PLEKHG1: variants seen among roughly 807,000 people sequenced by gnomAD.
PLEKHG1 encodes pleckstrin homology and RhoGEF domain containing G1.
PLEKHG1 carries 44 observed loss-of-function variants against 100.8 expected under a neutral mutation model. The ratio of observed to expected loss-of-function variants is 0.44; its 90% CI spans 0.34 to 0.56. The LOEUF (loss-of-function observed/expected upper bound fraction) is 0.56, where lower values mean the gene tolerates loss of function less well. Ranked by LOEUF, PLEKHG1 falls within the 20% of genes least tolerant of loss-of-function variation. The probability of loss-of-function intolerance (pLI) is 0.01; values close to 1 mark genes in which losing one functional copy is unlikely to be tolerated. For missense variants in PLEKHG1, 1,545 were observed against 1,720.9 expected (o/e 0.90, Z 1.81); for synonymous variants, 640 against 662.5 (o/e 0.97, Z 0.52).
intron 1 of PLEKHG1, among the ~76,000 whole-genome samples, chr6:150,724,558 C>CTTTTTTTTTTTTT (rs34140367): frequency 2.6e-4 from 26 of 100,478 alleles, no homozygotes; most frequent in African/African-American, 9.7e-4. Context: ...TTTTCTTTTT[C>CTTTTTTTTTTTTT]TTTTTTTTTT....
At chr6:150,828,384 A>G (rs1776733451) in intron 14 of PLEKHG1, 1 of 1,606,670 alleles carries the variant, frequency 6.2e-7, no homozygotes, top group East Asian at 2.2e-5. Context: ...AGGGTGACTG[A>G]GGCTACAGCT....
At chr6:150,629,712 G>A (rs1252769425) in intron 1 of PLEKHG1, among the ~76,000 whole-genome samples, 2 of 152,266 alleles carry the variant, frequency 1.3e-5, no homozygotes, top group East Asian at 3.9e-4. Context: ...GCCTGCCTCG[G>A]TCTCCCAAAG....
intron 1 of PLEKHG1, among the ~76,000 whole-genome samples, chr6:150,616,135 G>A: frequency 6.6e-6 from 1 of 152,120 alleles, no homozygotes; most frequent in East Asian, 1.9e-4. Flanking sequence ...AGCTAGGACT[G>A]CAAGTGAGAA....
chr6:150,795,798 A>G, intron 4 of PLEKHG1, 58 bp from the exon 6 acceptor site: 1 of 960,224 alleles, frequency 1.0e-6, no homozygotes, highest in Non-Finnish European at 1.7e-6. Context: ...ATTGTTTTCA[A>G]ATGAATGTTT....
chr6:150,715,105 C>G (rs945946323), intron 3 of PLEKHG1, among the ~76,000 whole-genome samples: 1 of 151,968 alleles, frequency 6.6e-6, no homozygotes, highest in African/African-American at 2.4e-5. Context: ...GGCCTACTGA[C>G]AGGTATTTTT....
rs759635144 is a variant in PLEKHG1, at chr6:150,823,637, A to C, written c.1448-17A>C. ...CATTTTCATTCTCAAACTTGAAAAA[A>C]AACTTTTATTTTTCAGAAACAGCAC... On this transcript the variant is annotated splice_polypyrimidine_tract_variant and intron_variant, in intron 13 of 15. Coordinates refer to ENST00000358517, the Ensembl canonical transcript of PLEKHG1. The C allele has an allele frequency of 6.3e-7, 1 of 1,586,672 alleles. No individual in the cohort carries two copies. The highest frequency in any genetic ancestry group is 2.2e-5 in the East Asian group (1 of 44,750).
chr6:150,722,329 TTCTTTTTTC>T (rs1366249762), intron 1 of PLEKHG1, among the ~76,000 whole-genome samples: 1 of 99,056 alleles, frequency 1.0e-5, no homozygotes, highest in African/African-American at 6.7e-5. Flanking sequence ...CTGCCTCCTT[TTCTTTTTTC>T]TTTTTCTTTT....
chr6:150,648,269 C>T (rs923339881), intron 2 of PLEKHG1, among the ~76,000 whole-genome samples: 1 of 152,082 alleles, frequency 6.6e-6, no homozygotes, highest in Non-Finnish European at 1.5e-5. Flanking sequence ...TCAACCTCGT[C>T]ACCTGCTGAT....
chr6:150,670,616 G>C (rs1779551183), intron 3 of PLEKHG1, among the ~76,000 whole-genome samples: 1 of 152,148 alleles, frequency 6.6e-6, no homozygotes, highest in Admixed American at 6.5e-5. Flanking sequence ...GCAAAACTTT[G>C]GAGTTCCCTA....
Position 150,702,557 on chromosome 6 carries a change from G to GGTGTGTGTGTGTGTGTGT in PLEKHG1, c.-98-31010_-98-30993dup, listed in dbSNP as rs56768740. 5.5e-3 allele frequency among the ~76,000 whole-genome samples: 790 copies of GGTGTGTGTGTGTGTGTGT among 142,890 alleles called. 10 individuals are homozygous for GGTGTGTGTGTGTGTGTGT. The highest frequency in any genetic ancestry group is 0.017 in the African/African-American group (651 of 37,626). 93.7% of individuals were successfully genotyped at this position (142,890 alleles called of 152,430 possible). A position where few individuals can be genotyped will look rare whatever the true frequency, so the allele number is the denominator to read the frequency against. On this transcript the variant is annotated intron_variant, in intron 3 of 3. Coordinates refer to the PLEKHG1 transcript ENST00000367326. Reference sequence around the variant, plus strand: ...AGCAGTACTTCTCATTTTGTTTTGGGGTGTGTGTGTGTGTGTGTGTGTGTG... The same window carrying GGTGTGTGTGTGTGTGTGT: ...AGCAGTACTTCTCATTTTGTTTTGGGGTGTGTGTGTGTGTGTGTGTGTGTGTGTGTGTGTGTGTGTGTG...
intron 1 of PLEKHG1, among the ~76,000 whole-genome samples, chr6:150,626,803 T>C (rs1286682627): frequency 6.6e-6 from 1 of 152,028 alleles, no homozygotes; most frequent in Non-Finnish European, 1.5e-5. Context: ...TACCACACTG[T>C]GTGTGTGTAT....
intron 3 of PLEKHG1, 41 bp downstream of exon 4, chr6:150,768,779 T>C: frequency 8.5e-7 from 1 of 1,173,546 alleles, no homozygotes; most frequent in Non-Finnish European, 1.3e-6. Flanking sequence ...ATACGAGCAT[T>C]ATGAAAATTT....
chr6:150,709,075 T>C (rs1781143789), intron 3 of PLEKHG1, among the ~76,000 whole-genome samples: 1 of 152,226 alleles, frequency 6.6e-6, no homozygotes, highest in Non-Finnish European at 1.5e-5. Flanking sequence ...GGCTCATGCC[T>C]GTAATCCCAA....
At position 150,831,632 on chromosome 6, in the gene PLEKHG1, G is replaced by A. The variant is rs771021284; in HGVS notation, c.2521G>A (p.Asp841Asn). ...CGAAGAAGTAGATGAAATCTGGAAT[G>A]ACCTGGAAAATTACATCAAGAAAAA... The change falls in exon 15 of 16, where the codon GAC becomes AAC. Residue 841 changes from aspartate to asparagine, a missense_variant. Physicochemically the swap from Asp to Asn is conservative, Grantham distance 23. Transcript: ENST00000358517. The surrounding 1 kb of genome is among the most constrained non-coding windows in gnomAD (Gnocchi z 4.1). 6 of 1,613,880 alleles carry A rather than the reference G, an allele frequency of 3.7e-6. No homozygotes were observed. Among genetic ancestry groups the A allele is most frequent in the South Asian group, 1.1e-5 (1 of 91,072 alleles).
chr6:150,720,764 T>G (rs1781632591), upstream of PLEKHG1, among the ~76,000 whole-genome samples: 1 of 152,184 alleles, frequency 6.6e-6, no homozygotes, highest in African/African-American at 2.4e-5. Context: ...ATCTTGCTTA[T>G]TTTATGGAGT....
chr6:150,642,779 G>A (rs1481386222), intron 2 of PLEKHG1, among the ~76,000 whole-genome samples: 1 of 152,152 alleles, frequency 6.6e-6, no homozygotes, highest in African/African-American at 2.4e-5. Context: ...ATTGATAACT[G>A]TATTACAGCA....
exon 15 of PLEKHG1, chr6:150,832,195 G>C: frequency 6.3e-7 from 1 of 1,591,984 alleles, no homozygotes; most frequent in South Asian, 1.2e-5. Flanking sequence ...AGCAAGGAGG[G>C]CCCGCCATTG....
intron 10 of PLEKHG1, among the ~76,000 whole-genome samples, chr6:150,816,959 A>G (rs980040245): frequency 1.3e-5 from 2 of 152,122 alleles, no homozygotes; most frequent in Non-Finnish European, 2.9e-5. Flanking sequence ...TAATGCTGCC[A>G]CTGATCTGAT....
intron 1 of PLEKHG1, among the ~76,000 whole-genome samples, chr6:150,611,423 T>C (rs1582806579): frequency 6.6e-6 from 1 of 152,366 alleles, no homozygotes; most frequent in African/African-American, 2.4e-5. Flanking sequence ...TCTGTGATTG[T>C]AAATCCAGTT....
Sources: gnomAD v4.1 joint callset for allele counts (sites outside exome capture counted in the v4.1 genomes callset) on GRCh38, gnomAD v4.1.1 for gene constraint, Gnocchi (gnomAD v3.1) non-coding constraint, MANE v1.5 for transcripts, NCBI Gene and HGNC (gene_info 2026-07-23, HGNC 2026-07-21) for gene names.